Variants in ENTREP2 observed in about 807,000 individuals in gnomAD.
The protein encoded by ENTREP2 is endosomal transmembrane epsin interactor 2.
chr15:29,310,293 A>G, the ENTREP2 span, among the ~76,000 whole-genome samples: 192 of 152,248 alleles, frequency 1.3e-3, no homozygotes, highest in East Asian at 0.018. Context: ...TAGTTCTAGG[A>G]CAATTTTTTA....
the ENTREP2 span, among the ~76,000 whole-genome samples, chr15:29,243,075 T>A: frequency 1.3e-5 from 2 of 152,152 alleles, no homozygotes; most frequent in African/African-American, 2.4e-5. Context: ...TGGACAGCGC[T>A]CCGAGTCCAG....
chr15:29,126,211 G>T, the ENTREP2 span: 1 of 1,346,362 alleles, frequency 7.4e-7, no homozygotes, highest in Non-Finnish European at 9.9e-7. Context: ...GAGACCTGCA[G>T]CATCCAAGGA....
chr15:29,556,482 A>G, the ENTREP2 span, among the ~76,000 whole-genome samples: 2 of 152,186 alleles, frequency 1.3e-5, no homozygotes, highest in Admixed American at 1.3e-4. Context: ...GAAATTCCCA[A>G]GGAACAGAGA....
the ENTREP2 span, among the ~76,000 whole-genome samples, chr15:29,306,899 C>T: frequency 1.3e-5 from 2 of 150,580 alleles, no homozygotes; most frequent in Non-Finnish European, 2.9e-5. Flanking sequence ...GCGCATGCCA[C>T]CATGCCTGAC....
the ENTREP2 span, among the ~76,000 whole-genome samples, chr15:29,382,805 A>C: frequency 6.6e-6 from 1 of 152,120 alleles, no homozygotes; most frequent in East Asian, 1.9e-4. Flanking sequence ...GTGTCCAGGA[A>C]GGGCCAATGG....
the ENTREP2 span, among the ~76,000 whole-genome samples, chr15:29,402,265 T>TATATATATATATATAG: frequency 7.3e-6 from 1 of 137,792 alleles, no homozygotes; most frequent in Non-Finnish European, 1.6e-5. Context: ...TATATATATA[T>TATATATATATATATAG]ACACACACAT....
At chr15:29,293,735 G>A in the ENTREP2 span, among the ~76,000 whole-genome samples, 19 of 152,174 alleles carry the variant, frequency 1.2e-4, no homozygotes, top group African/African-American at 3.9e-4. Flanking sequence ...TCGGGGAAGC[G>A]TGGAAGTTGG....
chr15:29,268,592 CCTTT>C, the ENTREP2 span: 1 of 502,772 alleles, frequency 2.0e-6, no homozygotes. Context: ...AACAAATGCT[CCTTT>C]GTTTATAGAT....
chr15:29,336,444 G>A, the ENTREP2 span, among the ~76,000 whole-genome samples: 1 of 151,730 alleles, frequency 6.6e-6, no homozygotes, highest in Non-Finnish European at 1.5e-5. Context: ...CCAAGCAGCT[G>A]GGACTATAGG....
At chr15:29,390,017 G>C in the ENTREP2 span, among the ~76,000 whole-genome samples, 2 of 151,854 alleles carry the variant, frequency 1.3e-5, no homozygotes, top group Non-Finnish European at 2.9e-5. Flanking sequence ...CCTAATGACG[G>C]AGGGCCTGCA....
chr15:29,119,508 G>A, the ENTREP2 span, among the ~76,000 whole-genome samples: 1 of 30,874 alleles, frequency 3.2e-5, no homozygotes, highest in African/African-American at 6.3e-5. Context: ...TAGATGACAC[G>A]TTAGTGGGTG....
chr15:29,277,273 C>A, the ENTREP2 span, among the ~76,000 whole-genome samples: 1 of 151,338 alleles, frequency 6.6e-6, no homozygotes, highest in Non-Finnish European at 1.5e-5. Flanking sequence ...ACCCAAGAGG[C>A]AGAGCTTACA....
chr15:29,266,034 G>T, the ENTREP2 span: 5 of 152,146 alleles, frequency 3.3e-5, no homozygotes, highest in African/African-American at 1.2e-4. Context: ...ATGACCAAAA[G>T]AAGTGAAAAT....
the ENTREP2 span, chr15:29,373,626 C>CTTTTATTTTTAT: frequency 6.6e-6 from 1 of 151,438 alleles, no homozygotes; most frequent in African/African-American, 2.4e-5. Context: ...ATTTTGCTTT[C>CTTTTATTTTTAT]TTTTATTTTT....
chr15:29,543,017 T>C, the ENTREP2 span, among the ~76,000 whole-genome samples: 1 of 152,352 alleles, frequency 6.6e-6, no homozygotes. Flanking sequence ...ACTATTTTGG[T>C]TGATGCTGTT....
chr15:29,535,457 G>T, the ENTREP2 span, among the ~76,000 whole-genome samples: 1 of 152,106 alleles, frequency 6.6e-6, no homozygotes, highest in Non-Finnish European at 1.5e-5. Flanking sequence ...GCTAAGGCAG[G>T]GGGACTGCTT....
chr15:29,271,393 A>C, the ENTREP2 span, among the ~76,000 whole-genome samples: 2 of 152,196 alleles, frequency 1.3e-5, no homozygotes, highest in South Asian at 2.1e-4. Flanking sequence ...GAATAGAGAG[A>C]CCGTCTCATA....
chr15:29,673,796 G>A, the ENTREP2 span, among the ~76,000 whole-genome samples: 1 of 152,198 alleles, frequency 6.6e-6, no homozygotes, highest in Non-Finnish European at 1.5e-5. Flanking sequence ...TCATGCCCAG[G>A]AATGACAAGG....
At chr15:29,443,848 T>C in the ENTREP2 span, among the ~76,000 whole-genome samples, 1 of 152,022 alleles carries the variant, frequency 6.6e-6, no homozygotes, top group Non-Finnish European at 1.5e-5. Context: ...CTCACACCTG[T>C]AATCCCAGCA....
Sources: allele counts gnomAD v4.1 joint callset (sites outside exome capture counted in the v4.1 genomes callset), GRCh38; gene constraint gnomAD v4.1.1; transcripts MANE v1.5; gene names NCBI Gene and HGNC (gene_info 2026-07-23, HGNC 2026-07-21).